Variants in ZNF592 observed in about 807,000 individuals in gnomAD.
The protein encoded by ZNF592 is zinc finger protein 592.
A neutral mutation model predicts 80.3 loss-of-function variants in ZNF592; 11 were observed. The ratio of observed to expected loss-of-function variants is 0.14; its 90% CI spans 0.09 to 0.23. The LOEUF (loss-of-function observed/expected upper bound fraction) is 0.23, where lower values mean the gene tolerates loss of function less well. Ranked by LOEUF, ZNF592 falls within the 10% of genes least tolerant of loss-of-function variation. The probability of loss-of-function intolerance (pLI) is 1.00; values close to 1 mark genes in which losing one functional copy is unlikely to be tolerated. For missense variants in ZNF592, 1,420 were observed against 1,633.9 expected (o/e 0.87, Z 2.26); for synonymous variants, 646 against 640.3 (o/e 1.01, Z -0.13).
chr15:84,767,818 A>G (rs987204243), intron 2 of ZNF592, among the ~76,000 whole-genome samples: 2 of 151,900 alleles, frequency 1.3e-5, no homozygotes, highest in African/African-American at 4.8e-5. Context: ...TGCACAATTC[A>G]ATGGTATTTC....
Position 84,783,994 on chromosome 15 carries a change from G to T in ZNF592, c.1319G>T (p.Gly440Val). ...EHFPEAGTNS[G>V]SPQGARKGDE... ...TTTCCTGAGGCAGGCACAAATTCAG[G>T]GAGCCCCCAGGGGGCCAGGAAAGGG... Residue 440 changes from glycine to valine, a missense_variant, in exon 4 of 11, where the codon GGG becomes GTG. Physicochemically the swap from Gly to Val is moderately radical, Grantham distance 109. Coordinates refer to ENST00000560079, the MANE Select transcript of ZNF592 (RefSeq NM_014630.3). This position sits in a 1 kb window ranked among gnomAD's most constrained non-coding sequence, Gnocchi z 5.0. The T allele has an allele frequency of 6.2e-7, 1 of 1,611,486 alleles. No homozygotes were observed. Among genetic ancestry groups the T allele is most frequent in the Non-Finnish European group, 8.5e-7 (1 of 1,177,980 alleles).
chr15:84,784,527 A>G lies in ZNF592; in HGVS notation c.1852A>G (p.Thr618Ala). 6.2e-7 allele frequency: 1 copy of G among 1,614,164 alleles called. No homozygotes were observed. The highest frequency in any genetic ancestry group is 8.5e-7 in the Non-Finnish European group (1 of 1,180,044). ...RRSVHIEVLC[T>A]LCSKTLLFFN... ...GAGCGTCCACATTGAGGTACTGTGCACACTGTGCTCCAAGACGCTGCTCTT... is the reference window on the plus strand; with the variant it reads ...GAGCGTCCACATTGAGGTACTGTGCGCACTGTGCTCCAAGACGCTGCTCTT... Residue 618 changes from threonine (T) to alanine (A), a missense_variant, in exon 4 of 11, where the codon ACA (threonine) becomes GCA (alanine). By Grantham distance (58) the Thr-to-Ala change is moderately conservative. Transcript: ENST00000560079. The surrounding 1 kb of genome is among the most constrained non-coding windows in gnomAD (Gnocchi z 5.8).
intron 2 of ZNF592, among the ~76,000 whole-genome samples, chr15:84,767,398 C>A (rs1303235560): frequency 6.6e-6 from 1 of 152,048 alleles, no homozygotes; most frequent in Non-Finnish European, 1.5e-5. Context: ...CTGCTGGCTT[C>A]TTGCTTAAAT....
rs149416524 is a variant in ZNF592, at chr15:84,783,431, T to C, written c.756T>C (p.Ile252=). The part of the protein sequence containing the change: ...LEFNSHPSNS[I]GESKGLAREL... ...TCAACAGCCATCCTAGCAACAGTAT[T>C]GGAGAGTCCAAGGGGCTTGCCCGGG... The change falls in exon 4 of 11, where the codon ATT becomes ATC. Residue 252 remains isoleucine, a synonymous_variant. Transcript: ENST00000560079. The surrounding 1 kb of genome is among the most constrained non-coding windows in gnomAD (Gnocchi z 5.0). 3.1e-6 allele frequency: 5 copies of C among 1,614,066 alleles called. No individual in the cohort carries two copies. The African/African-American group carries it at 6.7e-5, about 22-fold the overall frequency.
intron 2 of ZNF592, among the ~76,000 whole-genome samples, chr15:84,770,991 G>A (rs1899683696): frequency 6.6e-6 from 1 of 152,142 alleles, no homozygotes; most frequent in African/African-American, 2.4e-5. Context: ...CTGCCTTTGG[G>A]TGAAGGACAC....
At chr15:84,780,490 A>G (rs1350042178) in intron 3 of ZNF592, among the ~76,000 whole-genome samples, 1 of 152,206 alleles carries the variant, frequency 6.6e-6, no homozygotes, top group Non-Finnish European at 1.5e-5. Context: ...AGAGACAAAC[A>G]TTCGTTCTGT....
Position 84,799,246 on chromosome 15 carries a change from G to A in ZNF592, c.3137+36G>A, listed in dbSNP as rs1567078254. 3 of 1,596,304 alleles carry A rather than the reference G, an allele frequency of 1.9e-6. No homozygotes were observed. Among genetic ancestry groups the A allele is most frequent in the East Asian group, 2.2e-5 (1 of 44,790 alleles). On this transcript the variant is annotated intron_variant, in intron 9 of 10. Coordinates refer to ENST00000560079, the MANE Select transcript of ZNF592 (RefSeq NM_014630.3). This position sits in a 1 kb window ranked among gnomAD's most constrained non-coding sequence, Gnocchi z 4.2. ...GGGGATAGTAGTGAGGAGGCCTGAG[G>A]TTCAAAAGACTCTGTCCGTGGCACC...
intron 2 of ZNF592, among the ~76,000 whole-genome samples, chr15:84,776,287 C>T (rs1160424491): frequency 6.6e-6 from 1 of 152,264 alleles, no homozygotes; most frequent in Non-Finnish European, 1.5e-5. Flanking sequence ...TAGGCAGCTG[C>T]CTGTGGTTTG....
At position 84,798,827 on chromosome 15, in the gene ZNF592, T is replaced by A. The variant is rs1963007457; in HGVS notation, c.2976T>A (p.Val992=). Residue 992 remains valine (V), a synonymous_variant, in exon 8 of 11, where the codon GTT becomes GTA. Coordinates refer to ENST00000560079, the MANE Select transcript of ZNF592 (RefSeq NM_014630.3). The surrounding 1 kb of genome is among the most constrained non-coding windows in gnomAD (Gnocchi z 4.5). ...GWTCQECQEW[V]PDRESYVSHM... ...CCTGCCAGGAGTGCCAGGAGTGGGT[T>A]CCAGATCGGGAGAGCTACGTGTCCC... 6.2e-7 allele frequency: 1 copy of A among 1,600,298 alleles called. No individual in the cohort carries two copies. Among genetic ancestry groups the A allele is most frequent in the East Asian group, 2.2e-5 (1 of 44,862 alleles).
At chr15:84,793,213 A>G (rs746294884) in intron 5 of ZNF592, among the ~76,000 whole-genome samples, 109 of 151,952 alleles carry the variant, frequency 7.2e-4, no homozygotes, top group Non-Finnish European at 1.3e-3. Context: ...AGTAGCTGGG[A>G]TTATAGGCAT....
intron 1 of ZNF592, among the ~76,000 whole-genome samples, chr15:84,753,864 T>TAG (rs1899085887): frequency 2.0e-5 from 3 of 152,220 alleles, no homozygotes; most frequent in Admixed American, 6.5e-5. Context: ...TTTGATGTCC[T>TAG]TGAGGTAGAG....
chr15:84,798,250 C>T lies in ZNF592; in HGVS notation c.2577-65C>T. ...AAACTTGACCCTGGTTCAGAGAGAG[C>T]AGAGATGGGTGGAGGGGCTGCATGG... On this transcript the variant is annotated intron_variant, in intron 6 of 10. Coordinates refer to ENST00000560079, the MANE Select transcript of ZNF592 (RefSeq NM_014630.3). This position sits in a 1 kb window ranked among gnomAD's most constrained non-coding sequence, Gnocchi z 4.5. 6.2e-7 allele frequency: 1 copy of T among 1,609,704 alleles called. No individual in the cohort carries two copies. The highest frequency in any genetic ancestry group is 8.5e-7 in the Non-Finnish European group (1 of 1,177,704).
rs1306754516 is a variant in ZNF592 at position 84,799,816 on chromosome 15, C to T, written c.3138-26C>T. 5.6e-6 allele frequency: 9 copies of T among 1,613,530 alleles called. No homozygotes were observed. Among genetic ancestry groups the T allele is most frequent in the Admixed American group, 1.7e-5 (1 of 60,028 alleles). ...GGGAGCCTGCGGCCCGGGCACTTAC[C>T]TGACCTCTCCGCTGTGCTTCTGCAG... On this transcript the variant is annotated intron_variant, in intron 9 of 10. Coordinates refer to ENST00000560079, the MANE Select transcript of ZNF592 (RefSeq NM_014630.3). This position sits in a 1 kb window ranked among gnomAD's most constrained non-coding sequence, Gnocchi z 4.2.
At position 84,783,641 on chromosome 15, in the gene ZNF592, C is replaced by G; in HGVS notation, c.966C>G (p.Ser322Arg). ...SGPTKESSKGSPKMPKSPKSP... is the reference protein window; with the variant it reads ...SGPTKESSKGRPKMPKSPKSP... The stretch of plus-strand genomic sequence containing the variant: ...CCACTAAAGAGAGTTCTAAAGGTAG[C>G]CCCAAAATGCCCAAGTCACCAAAGA... The change falls in exon 4 of 11, where the codon AGC becomes AGG. Residue 322 changes from serine (S) to arginine (R), a missense_variant. By Grantham distance (110) the Ser-to-Arg change is moderately radical. Around this residue, in one of 7 missense-constraint regions of ZNF592, gnomAD observed 524 missense variants for 628.3 expected, o/e 0.83. Coordinates refer to ENST00000560079, the MANE Select transcript of ZNF592 (RefSeq NM_014630.3). The surrounding 1 kb of genome is among the most constrained non-coding windows in gnomAD (Gnocchi z 5.0). 6.2e-7 allele frequency: 1 copy of G among 1,614,192 alleles called. No individual in the cohort carries two copies. The highest frequency in any genetic ancestry group is 8.5e-7 in the Non-Finnish European group (1 of 1,180,040).
chr15:84,753,431 A>C (rs1472789056), intron 1 of ZNF592: 3 of 152,204 alleles, frequency 2.0e-5, no homozygotes, highest in Non-Finnish European at 2.9e-5. Flanking sequence ...TCCCACCCTC[A>C]ACTCAGCCAG....
chr15:84,765,263 C>T (rs976531853), intron 2 of ZNF592, among the ~76,000 whole-genome samples: 2 of 152,112 alleles, frequency 1.3e-5, no homozygotes, highest in East Asian at 1.9e-4. Flanking sequence ...TTTATCCTTT[C>T]ATCTGTTGAT....
At chr15:84,763,719 TG>T (rs1439063790) in intron 1 of ZNF592, among the ~76,000 whole-genome samples, 4 of 152,346 alleles carry the variant, frequency 2.6e-5, no homozygotes, top group South Asian at 2.1e-4. Flanking sequence ...AACTAAATGT[TG>T]GTCTGTCAAA....
intron 1 of ZNF592, among the ~76,000 whole-genome samples, chr15:84,754,963 G>GT (rs36104262): frequency 0.24 from 27,082 of 110,650 alleles, 4,317 homozygotes; most frequent in Middle Eastern, 0.38. Context: ...CCCCTGAGTT[G>GT]TTTTTTTTTT....
At chr15:84,766,710 TG>T in intron 2 of ZNF592, among the ~76,000 whole-genome samples, 1 of 109,756 alleles carries the variant, frequency 9.1e-6, no homozygotes, top group Non-Finnish European at 2.2e-5. Context: ...AGAAAGAGTG[TG>T]TGTGTGTGTG....
Sources: allele counts gnomAD v4.1 joint callset (sites outside exome capture counted in the v4.1 genomes callset), GRCh38; gene constraint gnomAD v4.1.1; regional missense constraint gnomAD v4.1.1; non-coding constraint Gnocchi (gnomAD v3.1); transcripts MANE v1.5; gene names NCBI Gene and HGNC (gene_info 2026-07-23, HGNC 2026-07-21).